The following LRRD1 variants were observed in gnomAD, a reference collection of about 807,000 sequenced individuals.
The protein encoded by LRRD1 is leucine-rich repeat and death domain-containing protein 1.
LRRD1 carries 49 observed loss-of-function variants against 69.5 expected under a neutral mutation model. The observed-to-expected ratio is 0.70, with a 90% CI of 0.56 to 0.89. The LOEUF (loss-of-function observed/expected upper bound fraction) is 0.89. Among genes scored for constraint, LRRD1 ranks in the 40% least tolerant of loss-of-function variants. The pLI is 0.00. For synonymous variants in LRRD1, 303 were observed against 338.9 expected (o/e 0.89, Z 1.16); for missense variants, 853 against 956.0 (o/e 0.89, Z 1.42).
chr7:92,159,278 A>T (rs1788747027), intron 2 of LRRD1, 75 bp from the exon 3 acceptor site: 1 of 1,020,704 alleles, frequency 9.8e-7, no homozygotes, highest in African/African-American at 1.7e-5. Flanking sequence ...TTCTAAAATC[A>T]AATGAAAGAG....
chr7:92,149,133 T>A (rs1820405701), intron 4 of LRRD1, among the ~76,000 whole-genome samples: 1 of 152,210 alleles, frequency 6.6e-6, no homozygotes, highest in Non-Finnish European at 1.5e-5. Flanking sequence ...TAATTTTGTA[T>A]TTTAGGTTCC....
rs35001796 is a variant in LRRD1, at chr7:92,156,837, T to C, written c.2116+2168A>G. ...AAAGAAGTGGTGAGAAAGGAGAACT[T>C]TACTTTAATCCTGATCATAGTGGAA... On this transcript the variant is annotated intron_variant, in intron 3 of 5. Coordinates refer to ENST00000458448, the MANE Select transcript of LRRD1 (RefSeq NM_001161528.2). 4.0e-3 allele frequency among the ~76,000 whole-genome samples: 614 copies of C among 152,266 alleles called. 2 individuals carry two copies. The highest frequency in any genetic ancestry group is 6.3e-3 in the Non-Finnish European group (427 of 68,000).
At chr7:92,155,659 A>ATTG (rs1415446981) in intron 3 of LRRD1, among the ~76,000 whole-genome samples, 1 of 152,218 alleles carries the variant, frequency 6.6e-6, no homozygotes, top group Non-Finnish European at 1.5e-5. Flanking sequence ...TCACATAACC[A>ATTG]CAAGGTGAAG....
At chr7:92,161,133 G>C (rs1467795363) in intron 2 of LRRD1, among the ~76,000 whole-genome samples, 1 of 152,184 alleles carries the variant, frequency 6.6e-6, no homozygotes, top group Admixed American at 6.5e-5. Context: ...TATGATGATG[G>C]AATTCATATA....
intron 3 of LRRD1, among the ~76,000 whole-genome samples, chr7:92,155,152 C>T (rs1170368062): frequency 1.3e-5 from 2 of 152,198 alleles, no homozygotes; most frequent in Admixed American, 6.5e-5. Flanking sequence ...CACTTTAAGG[C>T]TTCTCTATGG....
intron 5 of LRRD1, among the ~76,000 whole-genome samples, chr7:92,145,448 T>TC (rs1158761327): frequency 1.3e-5 from 2 of 150,588 alleles, no homozygotes; most frequent in Admixed American, 6.6e-5. Flanking sequence ...GCTTTTTTTT[T>TC]TTTTTTTTTT....
chr7:92,159,017 G>A lies in LRRD1; in HGVS notation c.2104C>T (p.Leu702=). ...SLLSLNDLQQ[L]NLSGNNLTAL... is the part of the protein sequence containing the mutation. ...GCTTGACACTCACCACTCAGGTTTAGTTGCTGCAGATCATTTAAAGATAGC... is the reference window on the plus strand; with the variant it reads ...GCTTGACACTCACCACTCAGGTTTAATTGCTGCAGATCATTTAAAGATAGC... Residue 702 remains leucine (L), a synonymous_variant, in exon 3 of 6, where the codon CTA becomes TTA. Coordinates refer to ENST00000458448, the MANE Select transcript of LRRD1 (RefSeq NM_001161528.2). 1 of 1,544,492 alleles carries A rather than the reference G, an allele frequency of 6.5e-7. No homozygotes were observed. The highest frequency in any genetic ancestry group is 1.4e-5 in the African/African-American group (1 of 72,674).
chr7:92,143,035 G>GC, downstream of LRRD1: 1 of 213,450 alleles, frequency 4.7e-6, no homozygotes, highest in Non-Finnish European at 9.7e-6. Flanking sequence ...TTTACAGAGA[G>GC]CCCGAGTGGT....
downstream of LRRD1, chr7:92,142,758 G>A (rs1374715839): frequency 2.9e-5 from 13 of 441,810 alleles, no homozygotes; most frequent in Admixed American, 1.8e-4. Flanking sequence ...CTCTTAAGGC[G>A]GCGCGTCTGG....
intron 2 of LRRD1, among the ~76,000 whole-genome samples, chr7:92,161,123 T>C (rs538277784): frequency 6.6e-5 from 10 of 152,376 alleles, no homozygotes; most frequent in Admixed American, 2.6e-4. Context: ...CTGAGAGCTG[T>C]ATGATGATGG....
chr7:92,158,845 T>C, intron 3 of LRRD1, among the ~76,000 whole-genome samples, 160 bp downstream of exon 3: 1 of 152,224 alleles, frequency 6.6e-6, no homozygotes, highest in Non-Finnish European at 1.5e-5. Flanking sequence ...CCTTATACTT[T>C]GCTTTCATTT....
chr7:92,169,091 G>A (rs1383421579), intron 1 of LRRD1, among the ~76,000 whole-genome samples: 1 of 151,978 alleles, frequency 6.6e-6, no homozygotes, highest in East Asian at 1.9e-4. Context: ...GCTAATTTTT[G>A]TATTTTTAGT....
chr7:92,170,175 AAAG>A (rs1011838781), intron 1 of LRRD1, among the ~76,000 whole-genome samples: 1 of 151,674 alleles, frequency 6.6e-6, no homozygotes, highest in African/African-American at 2.4e-5. Context: ...GAAGGAAGGA[AAAG>A]AAAAGAAGAA....
chr7:92,163,474 T>C lies in LRRD1; in HGVS notation c.1729A>G (p.Thr577Ala), dbSNP rs751981639. ...TCAAGTACTTGCAAATTTTCTAAAG[T>C]ACACAATTCTCTAGGGAAAGTTTCA... ...KFETFPRELC[T>A]LENLQVLDLS... Residue 577 changes from threonine to alanine, a missense_variant, in exon 2 of 6, where the codon ACT (threonine) becomes GCT (alanine). By Grantham distance (58) the Thr-to-Ala change is moderately conservative. Coordinates refer to ENST00000458448, the MANE Select transcript of LRRD1 (RefSeq NM_001161528.2). 11 of 1,537,426 alleles carry C rather than the reference T, an allele frequency of 7.2e-6. No homozygotes were observed. The Middle Eastern group carries it at 5.1e-4, about 71-fold the overall frequency.
intron 2 of LRRD1, among the ~76,000 whole-genome samples, chr7:92,159,950 G>T (rs371436421): frequency 6.6e-6 from 1 of 151,796 alleles, no homozygotes; most frequent in Non-Finnish European, 1.5e-5. Context: ...ATTTGTGTGC[G>T]TTTTTTTAGA....
At chr7:92,159,565 T>C (rs1353535958) in intron 2 of LRRD1, among the ~76,000 whole-genome samples, 1 of 126,410 alleles carries the variant, frequency 7.9e-6, no homozygotes, top group African/African-American at 2.9e-5. Context: ...CAGAAGTCTT[T>C]TCCAACTACT....
At chr7:92,149,992 C>A in intron 4 of LRRD1, 1 of 427,220 alleles carries the variant, frequency 2.3e-6, no homozygotes, top group Non-Finnish European at 4.8e-6. Flanking sequence ...AAACAGCCCA[C>A]CCCTCCTCCA....
At chr7:92,178,411 C>T (rs1169734619) in intron 1 of LRRD1, among the ~76,000 whole-genome samples, 1 of 152,076 alleles carries the variant, frequency 6.6e-6, no homozygotes. Context: ...TGGTTCACGC[C>T]TGTAATCCCA....
In LRRD1 at chr7:92,164,612, T is replaced by G; in HGVS notation, c.591A>C (p.Glu197Asp). Residue 197 changes from glutamate (E) to aspartate (D), a missense_variant, in exon 2 of 6, where the codon GAA (glutamate) becomes GAC (aspartate). Physicochemically the swap from Glu to Asp is conservative, Grantham distance 45 (BLOSUM62 2). This residue lies in a region of LRRD1 where 739 missense variants were observed against 808.0 expected (regional missense o/e 0.91). Coordinates refer to ENST00000458448, the MANE Select transcript of LRRD1 (RefSeq NM_001161528.2). Reference sequence around the variant, plus strand: ...CAGATGGAAGTGATGATAATCCATTTTCTTGCAGGGATAGAATTTCAAGTC... The same window carrying G: ...CAGATGGAAGTGATGATAATCCATTGTCTTGCAGGGATAGAATTTCAAGTC... ...LLGLEILSLQ[E>D]NGLSSLPSEI... 6.4e-7 allele frequency: 1 copy of G among 1,551,796 alleles called. No homozygotes were observed. Among genetic ancestry groups the G allele is most frequent in the African/African-American group, 1.4e-5 (1 of 73,178 alleles).
Sources: allele counts gnomAD v4.1 joint callset (sites outside exome capture counted in the v4.1 genomes callset), GRCh38; gene constraint gnomAD v4.1.1; regional missense constraint gnomAD v4.1.1; transcripts MANE v1.5; gene names NCBI Gene and HGNC (gene_info 2026-07-23, HGNC 2026-07-21).